The following CCDC30 variants were observed in gnomAD, a reference collection of about 807,000 sequenced individuals.
CCDC30 encodes coiled-coil domain-containing protein 30.
A neutral mutation model predicts 100.2 loss-of-function variants in CCDC30; 70 were observed. The ratio of observed to expected loss-of-function variants is 0.70; its 90% CI spans 0.58 to 0.85. The LOEUF is 0.85. Ranked by LOEUF, CCDC30 falls within the 40% of genes least tolerant of loss-of-function variation. The pLI is 0.00. For synonymous variants in CCDC30, 233 were observed against 269.5 expected (o/e 0.86, Z 1.33); for missense variants, 652 against 771.2 (o/e 0.85, Z 1.83).
intron 3 of CCDC30, among the ~76,000 whole-genome samples, chr1:42,487,875 C>A (rs527741306): frequency 6.6e-6 from 1 of 152,218 alleles, no homozygotes; most frequent in Admixed American, 6.5e-5. Flanking sequence ...CTGATTTCAC[C>A]CTTGTAAGAC....
intron 6 of CCDC30, among the ~76,000 whole-genome samples, chr1:42,552,291 A>C (rs1209957871): frequency 2.6e-5 from 4 of 152,210 alleles, no homozygotes; most frequent in Non-Finnish European, 5.9e-5. Context: ...ATTCCTTCCA[A>C]GTCAGGGAAA....
At chr1:42,547,979 A>G (rs574934479) in intron 6 of CCDC30, among the ~76,000 whole-genome samples, 1 of 152,348 alleles carries the variant, frequency 6.6e-6, no homozygotes, top group South Asian at 2.1e-4. Context: ...ATATTCTTAA[A>G]GGAAGTCTGA....
rs116143952 is a variant in CCDC30, at chr1:42,629,146, A to T, written c.1278-8091A>T. Among the ~76,000 whole-genome samples the T allele has an allele frequency of 8.2e-3, 1,252 of 152,296 alleles. 20 individuals carry two copies. The highest frequency in any genetic ancestry group is 0.028 in the African/African-American group (1,162 of 41,558). On this transcript the variant is annotated intron_variant, in intron 11 of 16. Coordinates refer to ENST00000668663, the Ensembl canonical transcript of CCDC30. ...GTCTTATACCTTCAGAAGATTTCTTATTAGTCATTAACGTCCTTTGCTTTC... is the reference window on the plus strand; with the variant it reads ...GTCTTATACCTTCAGAAGATTTCTTTTTAGTCATTAACGTCCTTTGCTTTC...
chr1:42,594,573 C>T (rs1218009538), intron 10 of CCDC30: 1 of 152,162 alleles, frequency 6.6e-6, no homozygotes, highest in Non-Finnish European at 1.5e-5. Flanking sequence ...GCCTATAGTA[C>T]TAGCTGCTTA....
intron 15 of CCDC30, among the ~76,000 whole-genome samples, chr1:42,651,042 A>T (rs1648302664): frequency 6.6e-6 from 1 of 152,204 alleles, no homozygotes; most frequent in Admixed American, 6.5e-5. Context: ...ATGAAAGTGG[A>T]CCGTTACCTA....
chr1:42,486,102 C>G (rs571886131), intron 3 of CCDC30, among the ~76,000 whole-genome samples: 99 of 152,186 alleles, frequency 6.5e-4, no homozygotes, highest in African/African-American at 2.4e-3. Context: ...TTAAAGGCGA[C>G]CCAGAAATTC....
intron 14 of CCDC30, 38 bp from the exon 19 acceptor site, chr1:42,646,097 A>G (rs1647856624): frequency 6.5e-7 from 1 of 1,533,214 alleles, no homozygotes; most frequent in Non-Finnish European, 8.7e-7. Flanking sequence ...CTTGATACCT[A>G]TTGAAATAAA....
chr1:42,599,116 G>A (rs1363979550), intron 10 of CCDC30, among the ~76,000 whole-genome samples: 1 of 152,080 alleles, frequency 6.6e-6, no homozygotes, highest in African/African-American at 2.4e-5. Context: ...AATTTTAGTT[G>A]ATCTAAGAGA....
At chr1:42,580,201 C>T (rs1645934076) in intron 8 of CCDC30, among the ~76,000 whole-genome samples, 1 of 152,184 alleles carries the variant, frequency 6.6e-6, no homozygotes, top group South Asian at 2.1e-4. Flanking sequence ...AGAATTCTCC[C>T]TAGACAGAAC....
intron 6 of CCDC30, among the ~76,000 whole-genome samples, chr1:42,536,084 C>T (rs61777387): frequency 0.22 from 34,062 of 151,894 alleles, 4,909 homozygotes; most frequent in Non-Finnish European, 0.31. Flanking sequence ...ATCTAACATA[C>T]TTACCATAGT....
At chr1:42,652,572 T>C (rs956149962) in intron 15 of CCDC30, among the ~76,000 whole-genome samples, 4 of 152,150 alleles carry the variant, frequency 2.6e-5, no homozygotes, top group African/African-American at 9.7e-5. Context: ...TACCAGAAAC[T>C]TGTAGATAAA....
At chr1:42,501,996 G>A (rs908698361) in intron 6 of CCDC30, among the ~76,000 whole-genome samples, 2 of 152,234 alleles carry the variant, frequency 1.3e-5, no homozygotes, top group South Asian at 2.1e-4. Context: ...AGACAGGGAC[G>A]TTTAAGTCTG....
chr1:42,599,915 T>A (rs1646368198), intron 10 of CCDC30, among the ~76,000 whole-genome samples: 1 of 152,110 alleles, frequency 6.6e-6, no homozygotes, highest in South Asian at 2.1e-4. Flanking sequence ...TCAGGATACT[T>A]ACAATTATGG....
intron 6 of CCDC30, among the ~76,000 whole-genome samples, chr1:42,514,001 T>G (rs1644518245): frequency 1.3e-5 from 2 of 152,156 alleles, no homozygotes; most frequent in Non-Finnish European, 2.9e-5. Flanking sequence ...ACTAAGCCAT[T>G]CATGAAGGAT....
rs16829747 is a variant in CCDC30, at chr1:42,580,157, T to C, written c.847-1203T>C. ...CAGAGAAGCCAATGAGGTGATGCTT[T>C]TGTCTGTGGAATTAGTACTGAATTC... On this transcript the variant is annotated intron_variant, in intron 8 of 16. Transcript: ENST00000668663. Among the ~76,000 whole-genome samples, 602 of 152,340 alleles carry C rather than the reference T, an allele frequency of 4.0e-3. 3 individuals are homozygous for C. The highest frequency in any genetic ancestry group is 0.014 in the African/African-American group (574 of 41,576).
At chr1:42,545,718 A>G (rs6661835) in intron 6 of CCDC30, 139 bp downstream of exon 9, 254,528 of 665,958 alleles carry the variant, frequency 0.38, 51,424 homozygotes, top group South Asian at 0.53. Context: ...AGACTGAGGC[A>G]GGCAGATCGC....
In CCDC30 at chr1:42,525,871, C is replaced by T. The variant is rs111670195; in HGVS notation, c.456+26955C>T. On this transcript the variant is annotated intron_variant, in intron 6 of 16. Coordinates refer to ENST00000668663, the Ensembl canonical transcript of CCDC30. ...ATCTAGCTGGTCAGAACTCAAACAT[C>T]TCCCAACCCTGCTGACCTCTGAGAA... Among the ~76,000 whole-genome samples the T allele has an allele frequency of 6.1e-3, 926 of 152,232 alleles. 6 individuals are homozygous for T. Among genetic ancestry groups the T allele is most frequent in the African/African-American group, 0.021 (864 of 41,540 alleles).
chr1:42,545,162 TAAAA>T lies in CCDC30; in HGVS notation c.457-21111_457-21108del, dbSNP rs57060353. Among the ~76,000 whole-genome samples the T allele has an allele frequency of 6.6e-3, 430 of 64,694 alleles. 2 individuals carry two copies. Among genetic ancestry groups the T allele is most frequent in the African/African-American group, 0.02 (403 of 20,512 alleles). The allele number at this position is 64,694 out of a possible 152,430, so 42.4% of individuals were successfully genotyped here. ...CAACCCCAGAGTCCAAAAATACCTT[TAAAA>T]AAAAAAAAAAAAAAAAAAAAAAGGG... is the stretch of plus-strand genomic sequence containing the variant. On this transcript the variant is annotated intron_variant, in intron 6 of 16. Coordinates refer to ENST00000668663, the Ensembl canonical transcript of CCDC30.
chr1:42,461,581 C>G (rs568927529), upstream of CCDC30, among the ~76,000 whole-genome samples: 88 of 147,226 alleles, frequency 6.0e-4, 1 homozygote, highest in African/African-American at 2.2e-3. Flanking sequence ...GAGTCTTGCT[C>G]TGTCGTCCTG....
Sources: gnomAD v4.1 joint callset for allele counts (sites outside exome capture counted in the v4.1 genomes callset) on GRCh38, gnomAD v4.1.1 for gene constraint, MANE v1.5 for transcripts, NCBI Gene and HGNC (gene_info 2026-07-23, HGNC 2026-07-21) for gene names.